The following SAMD13 variants were observed in gnomAD, a reference collection of about 807,000 sequenced individuals.
SAMD13 encodes the protein sterile alpha motif domain-containing protein 13.
A neutral mutation model predicts 12.4 loss-of-function variants in SAMD13; 9 were observed. That is an observed-to-expected ratio of 0.72 (90% CI 0.44 to 1.26). The LOEUF is 1.26. Among genes scored for constraint, SAMD13 ranks in the 50% most tolerant of loss-of-function variants. The pLI, the probability that SAMD13 is intolerant of heterozygous loss-of-function variation, is 0.00. For synonymous variants in SAMD13, 46 were observed against 45.4 expected (o/e 1.01, Z -0.05); for missense variants, 84 against 119.6 (o/e 0.70, Z 1.39).
upstream of SAMD13, among the ~76,000 whole-genome samples, chr1:84,300,959 G>C (rs1289459592): frequency 6.6e-6 from 1 of 152,118 alleles, no homozygotes; most frequent in Non-Finnish European, 1.5e-5. Context: ...TATGCTTTTT[G>C]TCCAACTGGG....
At chr1:84,331,446 A>G (rs1013408900) in intron 3 of SAMD13, among the ~76,000 whole-genome samples, 2 of 152,098 alleles carry the variant, frequency 1.3e-5, no homozygotes, top group African/African-American at 4.8e-5. Context: ...TTAAAACCTC[A>G]CAAATTGAGA....
chr1:84,303,118 G>C, intron 1 of SAMD13, 85 bp from the exon 2 acceptor site: 2 of 996,634 alleles, frequency 2.0e-6, no homozygotes, highest in South Asian at 2.7e-5. Flanking sequence ...GCTGTAAAAG[G>C]GACCATTATG....
chr1:84,318,528 T>C (rs1678880462), intron 2 of SAMD13, among the ~76,000 whole-genome samples: 1 of 152,212 alleles, frequency 6.6e-6, no homozygotes, highest in South Asian at 2.1e-4. Context: ...ATATGTGATC[T>C]ATCCTGGATA....
At chr1:84,339,599 A>G (rs377087192) in intron 3 of SAMD13, among the ~76,000 whole-genome samples, 9 of 152,242 alleles carry the variant, frequency 5.9e-5, no homozygotes, top group Non-Finnish European at 2.9e-5. Flanking sequence ...CAACACTCCA[A>G]TGGGGGTTGC....
chr1:84,308,147 C>T (rs1480811688), intron 2 of SAMD13, among the ~76,000 whole-genome samples: 1 of 152,176 alleles, frequency 6.6e-6, no homozygotes, highest in Non-Finnish European at 1.5e-5. Flanking sequence ...GTACCATTGC[C>T]TCATATATTT....
chr1:84,305,469 G>A (rs1004068858), intron 2 of SAMD13, among the ~76,000 whole-genome samples: 9 of 151,744 alleles, frequency 5.9e-5, no homozygotes. Context: ...TCTCTCCATA[G>A]CATCTTTCAA....
At chr1:84,318,187 T>A (rs1303404192) in intron 2 of SAMD13, among the ~76,000 whole-genome samples, 2 of 152,066 alleles carry the variant, frequency 1.3e-5, no homozygotes, top group African/African-American at 4.8e-5. Flanking sequence ...TTTGTCCAAT[T>A]TCTTAAGGTA....
At chr1:84,299,690 T>TATTC (rs1678405614), upstream of SAMD13, 1 of 933,132 alleles carries the variant, frequency 1.1e-6, no homozygotes, top group Non-Finnish European at 1.4e-6. Context: ...TTTATTTATT[T>TATTC]ATTTATATTC....
In SAMD13 at chr1:84,303,303, T is replaced by G; in HGVS notation, c.53+16T>G. The stretch of plus-strand genomic sequence containing the variant: ...GTGTAAAAAAGTAAGTGAAGCTGGC[T>G]TCTGAGTTCTGCTTCTGCAAACAAC... On this transcript the variant is annotated intron_variant, in intron 2 of 3. Coordinates refer to ENST00000394834, the MANE Select transcript of SAMD13 (RefSeq NM_001134663.2). 2 of 1,596,274 alleles carry G rather than the reference T, an allele frequency of 1.3e-6. No individual in the cohort carries two copies. The highest frequency in any genetic ancestry group is 1.7e-6 in the Non-Finnish European group (2 of 1,164,250).
chr1:84,345,382 A>G (rs943297774), intron 3 of SAMD13: 3 of 379,344 alleles, frequency 7.9e-6, no homozygotes, highest in South Asian at 4.0e-5. Flanking sequence ...TTGAACTAGG[A>G]TGGACAGAGG....
chr1:84,310,869 A>G (rs888010637), intron 2 of SAMD13, among the ~76,000 whole-genome samples: 5 of 152,206 alleles, frequency 3.3e-5, no homozygotes, highest in African/African-American at 1.2e-4. Flanking sequence ...TAGAAAATGT[A>G]TGAAATTATT....
intron 2 of SAMD13, among the ~76,000 whole-genome samples, chr1:84,322,503 T>C (rs1678966896): frequency 6.6e-6 from 1 of 152,166 alleles, no homozygotes; most frequent in African/African-American, 2.4e-5. Flanking sequence ...TGCTCTCTGG[T>C]TGTTAGTCCA....
chr1:84,321,263 A>G (rs914435299), intron 2 of SAMD13, among the ~76,000 whole-genome samples: 2 of 152,152 alleles, frequency 1.3e-5, no homozygotes, highest in Admixed American at 1.3e-4. Context: ...GTACCTAACC[A>G]TATGCACAAG....
chr1:84,347,105 GT>G (rs1679549911), intron 3 of SAMD13, among the ~76,000 whole-genome samples: 2 of 152,256 alleles, frequency 1.3e-5, no homozygotes, highest in South Asian at 4.1e-4. Flanking sequence ...GGGCAGTTAA[GT>G]CCCCTACCCA....
upstream of SAMD13, among the ~76,000 whole-genome samples, chr1:84,301,166 G>A (rs1366797038): frequency 6.6e-6 from 1 of 152,184 alleles, no homozygotes; most frequent in Non-Finnish European, 1.5e-5. Context: ...GCATAATGAA[G>A]TAAAAGGATT....
rs559647244 is a variant in SAMD13 at position 84,302,748 on chromosome 1, A to T, written c.-32-455A>T. 1.2e-5 allele frequency: 11 copies of T among 933,848 alleles called. No homozygotes were observed. In the Admixed American group the frequency reaches 5.5e-4, roughly 47 times the overall value. The allele number at this position is 933,848 out of a possible 1,614,324, so 57.8% of individuals were successfully genotyped here. A position where few individuals can be genotyped will look rare whatever the true frequency, so the allele number is the denominator to read the frequency against. The stretch of plus-strand genomic sequence containing the variant: ...TGTCCTTCTGCATTGCAATGAAAAA[A>T]TCTAGGAGCAAGGGGGAGTGGACAA... On this transcript the variant is annotated intron_variant, in intron 1 of 3. Transcript: ENST00000394834.
chr1:84,303,639 A>ATT, intron 2 of SAMD13: 1 of 167,380 alleles, frequency 6.0e-6, no homozygotes, highest in Admixed American at 5.8e-5. Context: ...TAGAGTTCAA[A>ATT]TTTTTTTTTT....
At chr1:84,313,745 C>G (rs1678765908) in intron 2 of SAMD13, among the ~76,000 whole-genome samples, 1 of 152,118 alleles carries the variant, frequency 6.6e-6, no homozygotes, top group Non-Finnish European at 1.5e-5. Flanking sequence ...ATTAATGCCA[C>G]TTCTTTTCTT....
Position 84,301,817 on chromosome 1 carries a change from A to C in SAMD13, c.-33+16A>C. 1 of 946,130 alleles carries C rather than the reference A, an allele frequency of 1.1e-6. No homozygotes were observed. Among genetic ancestry groups the C allele is most frequent in the Non-Finnish European group, 1.3e-6 (1 of 794,252 alleles). 58.6% of individuals were successfully genotyped at this position (946,130 alleles called of 1,614,324 possible). ...TTGCTTATAGGTAGGTTTTCTTTTT[A>C]CTCTTCCACAGAAAAGAAAATAATA... On this transcript the variant is annotated intron_variant, in intron 1 of 3. Transcript: ENST00000394834.
Sources: allele counts gnomAD v4.1 joint callset (sites outside exome capture counted in the v4.1 genomes callset), GRCh38; gene constraint gnomAD v4.1.1; transcripts MANE v1.5; gene names NCBI Gene and HGNC (gene_info 2026-07-23, HGNC 2026-07-21).